PLA2G1B: variants seen among roughly 807,000 people sequenced by gnomAD.
PLA2G1B encodes the protein phospholipase A2.
PLA2G1B carries 12 observed loss-of-function variants against 12.5 expected under a neutral mutation model. That is an observed-to-expected ratio of 0.96 (90% confidence interval 0.62 to 1.56). The LOEUF (loss-of-function observed/expected upper bound fraction) is 1.56. Among genes scored for constraint, PLA2G1B ranks in the 40% most tolerant of loss-of-function variants. The probability of loss-of-function intolerance (pLI) is 0.00; values close to 1 mark genes in which losing one functional copy is unlikely to be tolerated. For missense variants in PLA2G1B, 189 were observed against 186.7 expected, an observed-to-expected ratio of 1.01 and a Z score of -0.07; for synonymous variants, 81 against 73.4, an observed-to-expected ratio of 1.10 and a Z score of -0.53.
rs1873309955 is a variant in PLA2G1B, at chr12:120,324,975, G to A, written c.281C>T (p.Thr94Ile). ...KFLLDNPYTH[T>I]YSYSCSGSAI... is the part of the protein sequence containing the mutation. Reference sequence around the variant, plus strand: ...CGAGCCAGAGCACGAGTATGAATAGGTGTGGGTGTACGGGTTGTCCAGCAG... The same window carrying A: ...CGAGCCAGAGCACGAGTATGAATAGATGTGGGTGTACGGGTTGTCCAGCAG... Residue 94 changes from threonine (T) to isoleucine (I), a missense_variant, in exon 3 of 4, where the codon ACC becomes ATC. Physicochemically the swap from Thr to Ile is moderately conservative, Grantham distance 89. Transcript: ENST00000308366. 1 of 1,614,114 alleles carries A rather than the reference G, an allele frequency of 6.2e-7. No individual in the cohort carries two copies. The highest frequency in any genetic ancestry group is 2.2e-5 in the East Asian group (1 of 44,886).
chr12:120,322,406 C>T (rs1873254597), intron 3 of PLA2G1B, 89 bp from the exon 4 acceptor site: 3 of 1,239,952 alleles, frequency 2.4e-6, no homozygotes, highest in Non-Finnish European at 3.4e-6. Flanking sequence ...AATAAGCTGG[C>T]AGCCATTCCA....
In PLA2G1B at chr12:120,322,128, G is replaced by T; in HGVS notation, c.*65C>A. ...TCCAAACATGAGGTCTTTCAACAAG[G>T]TGCTTTATTGGAGAGTACAGTGTGA... On this transcript the variant is annotated 3_prime_UTR_variant, in exon 4 of 4. Coordinates refer to ENST00000308366, the MANE Select transcript of PLA2G1B (RefSeq NM_000928.3). 6.6e-7 allele frequency: 1 copy of T among 1,510,140 alleles called. No individual in the cohort carries two copies. Among genetic ancestry groups the T allele is most frequent in the Non-Finnish European group, 9.0e-7 (1 of 1,105,860 alleles). 93.5% of individuals were successfully genotyped at this position (1,510,140 alleles called of 1,614,324 possible). A position where few individuals can be genotyped will look rare whatever the true frequency, so the allele number is the denominator to read the frequency against.
Position 120,325,914 on chromosome 12 carries a change from G to A in PLA2G1B, c.141C>T (p.Tyr47=), listed in dbSNP as rs753336981. The A allele has an allele frequency of 6.2e-6, 10 of 1,614,138 alleles. No individual in the cohort carries two copies. In the East Asian group the frequency reaches 6.7e-5, roughly 11 times the overall value. ...GSDPFLEYNN[Y]GCYCGLGGSG... Reference sequence around the variant, plus strand: ...AGCCCCCCAAGCCACAGTAGCAGCCGTAGTTGTTGTATTCCAAGAAGGGGT... The same window carrying A: ...AGCCCCCCAAGCCACAGTAGCAGCCATAGTTGTTGTATTCCAAGAAGGGGT... The change falls in exon 2 of 4, where the codon TAC becomes TAT. Residue 47 remains tyrosine (Y), a synonymous_variant. Coordinates refer to ENST00000308366, the MANE Select transcript of PLA2G1B (RefSeq NM_000928.3).
chr12:120,325,781 T>C (rs1873329492), intron 2 of PLA2G1B, 80 bp downstream of exon 2: 6 of 1,336,952 alleles, frequency 4.5e-6, no homozygotes, highest in Admixed American at 1.8e-5. Context: ...GTCCCCTTTG[T>C]ATGCCTCGTG....
rs1215116447 is a variant in PLA2G1B, at chr12:120,325,016, C to T, written c.240G>A (p.Leu80=). ...TGTCCAGCAGAAATTTACAGCTGTC[C>T]AGCTTCTTGGCCTGGTCATAGCAGT... ...HDNCYDQAKK[L]DSCKFLLDNP... is the part of the protein sequence containing the mutation. The change falls in exon 3 of 4, where the codon CTG becomes CTA. Residue 80 remains leucine (L), a synonymous_variant. Coordinates refer to ENST00000308366, the MANE Select transcript of PLA2G1B (RefSeq NM_000928.3). 55 of 1,613,808 alleles carry T rather than the reference C, an allele frequency of 3.4e-5. No individual in the cohort carries two copies. Among genetic ancestry groups the T allele is most frequent in the Non-Finnish European group, 4.6e-5 (54 of 1,179,982 alleles).
At position 120,325,891 on chromosome 12, in the gene PLA2G1B, C is replaced by T. The variant is rs768965594; in HGVS notation, c.164G>A (p.Gly55Asp). The change falls in exon 2 of 4, where the codon GGC (glycine) becomes GAC (aspartate). Residue 55 changes from glycine to aspartate, a missense_variant. Transcript: ENST00000308366. Reference protein sequence around the residue: ...NNYGCYCGLGGSGTPVDELDK... With the variant: ...NNYGCYCGLGDSGTPVDELDK... ...CAGTTCATCCACGGGGGTGCCTGAGCCCCCCAAGCCACAGTAGCAGCCGTA... is the reference window on the plus strand; with the variant it reads ...CAGTTCATCCACGGGGGTGCCTGAGTCCCCCAAGCCACAGTAGCAGCCGTA... 21 of 1,613,872 alleles carry T rather than the reference C, an allele frequency of 1.3e-5. No homozygotes were observed. The African/African-American group carries it at 2.1e-4, about 16-fold the overall frequency.
rs1482612922 is a variant in PLA2G1B at position 120,322,824 on chromosome 12, T to A, written c.323-507A>T. Among the ~76,000 whole-genome samples, 14 of 152,236 alleles carry A rather than the reference T, an allele frequency of 9.2e-5. No homozygotes were observed. In the South Asian group the frequency reaches 1.0e-3, roughly 11 times the overall value. On this transcript the variant is annotated intron_variant, in intron 3 of 3. Coordinates refer to ENST00000308366, the MANE Select transcript of PLA2G1B (RefSeq NM_000928.3). ...CTGGTCTCAAACTCCGGACCTCAAG[T>A]GATCCATTTGCCTCGGCCTCCCAAA...
chr12:120,326,863 G>A (rs967288219), intron 1 of PLA2G1B, among the ~76,000 whole-genome samples: 26 of 151,894 alleles, frequency 1.7e-4, no homozygotes, highest in Admixed American at 7.2e-4. Context: ...CCCAGCTACT[G>A]GGGAGGCTGA....
At chr12:120,325,094 T>C (rs1234631892) in intron 2 of PLA2G1B, 33 bp from the exon 3 acceptor site, 2 of 1,613,006 alleles carry the variant, frequency 1.2e-6, no homozygotes, top group Non-Finnish European at 1.7e-6. Context: ...GAGATAGGAG[T>C]AAGTGCAGAG....
intron 3 of PLA2G1B, among the ~76,000 whole-genome samples, 154 bp downstream of exon 3, chr12:120,324,780 T>G (rs1873304505): frequency 6.6e-6 from 1 of 152,194 alleles, no homozygotes; most frequent in Non-Finnish European, 1.5e-5. Context: ...TGAGGATAAT[T>G]GTACCTATCC....
At position 120,325,844 on chromosome 12, in the gene PLA2G1B, G is replaced by T. The variant is rs1275821281; in HGVS notation, c.194+17C>A. ...CCCCGGCAGGCACTCCAATTTTCCTGCAGGCGGATCACTTACTTGTCCAGT... is the reference window on the plus strand; with the variant it reads ...CCCCGGCAGGCACTCCAATTTTCCTTCAGGCGGATCACTTACTTGTCCAGT... On this transcript the variant is annotated intron_variant, in intron 2 of 3. Transcript: ENST00000308366. The T allele has an allele frequency of 1.9e-6, 3 of 1,611,900 alleles. No homozygotes were observed. Among genetic ancestry groups the T allele is most frequent in the Non-Finnish European group, 2.5e-6 (3 of 1,178,736 alleles).
intron 3 of PLA2G1B, 33 bp downstream of exon 3, chr12:120,324,901 A>G: frequency 6.2e-7 from 1 of 1,611,428 alleles, no homozygotes; most frequent in Non-Finnish European, 8.5e-7. Flanking sequence ...AGAACCAACT[A>G]GAATTCATAG....
chr12:120,326,123 C>T (rs1199348417), intron 1 of PLA2G1B, 103 bp from the exon 2 acceptor site: 2 of 1,199,904 alleles, frequency 1.7e-6, no homozygotes, highest in African/African-American at 3.0e-5. Context: ...TGACCCCTGC[C>T]AGCTGCCTCC....
chr12:120,326,258 C>T lies in PLA2G1B; in HGVS notation c.35-238G>A, dbSNP rs866858753. Reference sequence around the variant, plus strand: ...TGTGTGTGTGTATATATATATATATCTTCTTCTTTTTCTTCTTCTTCTTCT... The same window carrying T: ...TGTGTGTGTGTATATATATATATATTTTCTTCTTTTTCTTCTTCTTCTTCT... On this transcript the variant is annotated intron_variant, in intron 1 of 3. Coordinates refer to ENST00000308366, the MANE Select transcript of PLA2G1B (RefSeq NM_000928.3). Among the ~76,000 whole-genome samples the T allele has an allele frequency of 2.4e-4, 34 of 140,710 alleles. No individual in the cohort carries two copies. The Middle Eastern group carries it at 0.011, about 46-fold the overall frequency. The allele number at this position is 140,710 out of a possible 152,430, so 92.3% of individuals were successfully genotyped here.
chr12:120,325,691 C>T (rs920905230), intron 2 of PLA2G1B, among the ~76,000 whole-genome samples, 170 bp downstream of exon 2: 3 of 152,196 alleles, frequency 2.0e-5, no homozygotes, highest in African/African-American at 7.2e-5. Flanking sequence ...TAACGGGGTG[C>T]GTTCGCTACA....
intron 3 of PLA2G1B, among the ~76,000 whole-genome samples, chr12:120,323,290 G>C (rs980790515): frequency 6.6e-6 from 1 of 151,752 alleles, no homozygotes; most frequent in Non-Finnish European, 1.5e-5. Flanking sequence ...TTTTGAGATA[G>C]AGTCTCGCTG....
intron 2 of PLA2G1B, 39 bp from the exon 3 acceptor site, chr12:120,325,100 C>A: frequency 6.2e-7 from 1 of 1,612,606 alleles, no homozygotes; most frequent in Non-Finnish European, 8.5e-7. Flanking sequence ...GGAGTAAGTG[C>A]AGAGCAATAG....
At chr12:120,326,649 C>T (rs945540744) in intron 1 of PLA2G1B, among the ~76,000 whole-genome samples, 2 of 149,972 alleles carry the variant, frequency 1.3e-5, no homozygotes, top group Admixed American at 1.3e-4. Context: ...GAGCTTACAA[C>T]CTAGTGGGAG....
intron 3 of PLA2G1B, among the ~76,000 whole-genome samples, chr12:120,323,693 A>T (rs764378955): frequency 5.3e-5 from 8 of 152,110 alleles, no homozygotes; most frequent in Non-Finnish European, 7.3e-5. Flanking sequence ...GAGGGTTCAT[A>T]GCTTTCATCA....
Sources: allele counts gnomAD v4.1 joint callset (sites outside exome capture counted in the v4.1 genomes callset), GRCh38; gene constraint gnomAD v4.1.1; transcripts MANE v1.5; gene names NCBI Gene and HGNC (gene_info 2026-07-23, HGNC 2026-07-21).